Variants in KIAA1217 observed in about 807,000 individuals in gnomAD.
KIAA1217 encodes the protein sickle tail protein homolog.
Under a neutral mutation model 163.9 loss-of-function variants are expected in KIAA1217, and 88 were observed. The ratio of observed to expected loss-of-function variants is 0.54; its 90% CI spans 0.45 to 0.64. KIAA1217 has a LOEUF of 0.64. Ranked by LOEUF, KIAA1217 falls within the 30% of genes least tolerant of loss-of-function variation. The pLI is 0.00. For synonymous variants in KIAA1217, 903 were observed against 923.1 expected (o/e 0.98, Z 0.39); for missense variants, 2,372 against 2,475.0 (o/e 0.96, Z 0.88).
At chr10:24,214,079 C>T (rs2068502633) in intron 1 of KIAA1217, among the ~76,000 whole-genome samples, 1 of 152,084 alleles carries the variant, frequency 6.6e-6, no homozygotes, top group Admixed American at 6.6e-5. Flanking sequence ...ATCACTTGAG[C>T]CCAGGAGTTT....
intron 5 of KIAA1217, among the ~76,000 whole-genome samples, chr10:24,461,464 C>T (rs776342299): frequency 6.6e-6 from 1 of 152,108 alleles, no homozygotes; most frequent in Non-Finnish European, 1.5e-5. Context: ...CAGCAATTCT[C>T]CTGCCTCAGC....
chr10:24,380,655 C>A (rs1293181360), intron 2 of KIAA1217, among the ~76,000 whole-genome samples: 3 of 143,632 alleles, frequency 2.1e-5, no homozygotes, highest in African/African-American at 5.3e-5. Flanking sequence ...TAAATAAATA[C>A]AATGGAACAC....
chr10:23,707,548 G>A (rs1403989547), intron 1 of KIAA1217, among the ~76,000 whole-genome samples: 1 of 152,146 alleles, frequency 6.6e-6, no homozygotes, highest in Non-Finnish European at 1.5e-5. Flanking sequence ...GCCACATACA[G>A]GGTGGAATAG....
intron 1 of KIAA1217, among the ~76,000 whole-genome samples, chr10:23,962,006 A>G (rs574593241): frequency 4.6e-5 from 7 of 152,304 alleles, no homozygotes; most frequent in East Asian, 1.9e-4. Flanking sequence ...TTACCTCTAT[A>G]AAGACCCTTT....
At chr10:23,703,955 G>A (rs963747607) in intron 1 of KIAA1217, among the ~76,000 whole-genome samples, 1 of 150,498 alleles carries the variant, frequency 6.6e-6, no homozygotes, top group Non-Finnish European at 1.5e-5. Flanking sequence ...AACAAAAACA[G>A]GTTGAGAGTT....
At chr10:23,888,211 C>T (rs1292098078) in intron 1 of KIAA1217, among the ~76,000 whole-genome samples, 2 of 151,944 alleles carry the variant, frequency 1.3e-5, no homozygotes, top group Non-Finnish European at 2.9e-5. Context: ...TTTTACCAGG[C>T]TCACACCTGT....
At chr10:23,869,939 G>A (rs1329201607) in intron 1 of KIAA1217, among the ~76,000 whole-genome samples, 1 of 152,114 alleles carries the variant, frequency 6.6e-6, no homozygotes, top group African/African-American at 2.4e-5. Context: ...GCCAGCATAT[G>A]TAAACTGTAG....
chr10:23,720,054 G>A (rs865923820), intron 1 of KIAA1217, among the ~76,000 whole-genome samples: 1 of 151,912 alleles, frequency 6.6e-6, no homozygotes, highest in Non-Finnish European at 1.5e-5. Context: ...TTGCTTAATA[G>A]GTAGGGGATT....
At position 23,752,372 on chromosome 10, in the gene KIAA1217, A is replaced by G. The variant is rs190723391; in HGVS notation, c.-321+57138A>G. Among the ~76,000 whole-genome samples, 60 of 152,286 alleles carry G rather than the reference A, an allele frequency of 3.9e-4. No individual in the cohort carries two copies. The East Asian group carries it at 7.5e-3, about 19-fold the overall frequency. On this transcript the variant is annotated intron_variant, in intron 1 of 18. Coordinates refer to the KIAA1217 transcript ENST00000376462. ...AAGCAAGTCTCTTTTTAAGACAGGA[A>G]GTCATTGAACAAATTATTTGTGAGC... is the stretch of plus-strand genomic sequence containing the variant.
intron 2 of KIAA1217, among the ~76,000 whole-genome samples, chr10:24,067,472 G>A (rs1246451165): frequency 6.6e-6 from 1 of 152,288 alleles, no homozygotes; most frequent in Non-Finnish European, 1.5e-5. Flanking sequence ...TTGGTGAACC[G>A]CAAATGCTGC....
intron 1 of KIAA1217, among the ~76,000 whole-genome samples, chr10:23,846,390 C>T (rs191255931): frequency 1.4e-3 from 219 of 152,094 alleles, no homozygotes; most frequent in African/African-American, 4.7e-3. Context: ...CATATGTTTG[C>T]GTCCTCCTTT....
chr10:23,852,998 C>A (rs7072522), intron 1 of KIAA1217, among the ~76,000 whole-genome samples: 1,948 of 152,212 alleles, frequency 0.013, 57 homozygotes, highest in African/African-American at 0.044. Context: ...AATTGAATAC[C>A]CTTTATTTCC....
chr10:24,300,041 A>C (rs563399146), intron 2 of KIAA1217, among the ~76,000 whole-genome samples: 43 of 152,266 alleles, frequency 2.8e-4, no homozygotes, highest in Non-Finnish European at 3.4e-4. Context: ...TTTCTCTGCT[A>C]CCGCAGAGGG....
chr10:23,871,008 T>C (rs182049902), intron 1 of KIAA1217, among the ~76,000 whole-genome samples: 84 of 151,832 alleles, frequency 5.5e-4, no homozygotes, highest in African/African-American at 2.0e-3. Flanking sequence ...TTTTTTTTTC[T>C]TTTTCTTTTC....
intron 1 of KIAA1217, among the ~76,000 whole-genome samples, chr10:23,706,374 C>G (rs184884880): frequency 1.3e-5 from 2 of 152,236 alleles, no homozygotes; most frequent in Admixed American, 1.3e-4. Flanking sequence ...AGCACCCAGT[C>G]TTTCACCATT....
intron 1 of KIAA1217, among the ~76,000 whole-genome samples, chr10:23,957,670 C>T (rs1338392329): frequency 6.6e-6 from 1 of 152,026 alleles, no homozygotes; most frequent in Non-Finnish European, 1.5e-5. Context: ...TGCAGTGAGC[C>T]GAGATCGGGC....
Position 24,544,306 on chromosome 10 carries a change from C to T in KIAA1217, c.5036C>T (p.Thr1679Ile), listed in dbSNP as rs757892982. 1 of 1,614,034 alleles carries T rather than the reference C, an allele frequency of 6.2e-7. No individual in the cohort carries two copies. Among genetic ancestry groups the T allele is most frequent in the Non-Finnish European group, 8.5e-7 (1 of 1,179,964 alleles). Residue 1679 changes from threonine (T) to isoleucine (I), a missense_variant, in exon 19 of 21, where the codon ACA (threonine) becomes ATA (isoleucine). By Grantham distance (89) the Thr-to-Ile change is moderately conservative. Transcript: ENST00000376454. Reference protein sequence around the residue: ...LEQTIKQLENTISEMSPKALV... With the variant: ...LEQTIKQLENIISEMSPKALV... Reference sequence around the variant, plus strand: ...CAGACCATTAAACAGCTCGAAAATACAATCAGTGAAATGAGTCCCAAAGCC... The same window carrying T: ...CAGACCATTAAACAGCTCGAAAATATAATCAGTGAAATGAGTCCCAAAGCC...
At chr10:23,792,176 C>T (rs1346843295) in intron 1 of KIAA1217, among the ~76,000 whole-genome samples, 1 of 152,172 alleles carries the variant, frequency 6.6e-6, no homozygotes, top group Non-Finnish European at 1.5e-5. Context: ...AACATTTAAC[C>T]CTGTCAGTGG....
At chr10:24,276,958 C>T (rs1247505319) in intron 2 of KIAA1217, among the ~76,000 whole-genome samples, 3 of 152,088 alleles carry the variant, frequency 2.0e-5, no homozygotes, top group Non-Finnish European at 4.4e-5. Context: ...GGGGTCTCCC[C>T]GTGTTGCCCA....
Sources: allele counts gnomAD v4.1 joint callset (sites outside exome capture counted in the v4.1 genomes callset), GRCh38; gene constraint gnomAD v4.1.1; transcripts MANE v1.5; gene names NCBI Gene and HGNC (gene_info 2026-07-23, HGNC 2026-07-21).